Variants in SASH1 observed in about 807,000 individuals in gnomAD.
SASH1 encodes SAM and SH3 domain-containing protein 1.
Under a neutral mutation model 125.2 loss-of-function variants are expected in SASH1, and 44 were observed. The observed-to-expected ratio is 0.35, with a 90% CI of 0.28 to 0.45. The LOEUF (loss-of-function observed/expected upper bound fraction) is 0.45, where lower values mean the gene tolerates loss of function less well. SASH1 is among the 20% of genes least tolerant of loss of function. SASH1 has a pLI of 1.00. For missense variants in SASH1, 1,426 were observed against 1,614.5 expected (o/e 0.88, Z 2.00); for synonymous variants, 639 against 649.1 (o/e 0.98, Z 0.24).
the SASH1 span, among the ~76,000 whole-genome samples, chr6:148,264,509 G>A: frequency 6.6e-6 from 1 of 152,130 alleles, no homozygotes. Flanking sequence ...TTCTTCAATG[G>A]TTTCTTATTG....
chr6:148,350,136 C>T (rs545321598), intron 1 of SASH1, among the ~76,000 whole-genome samples: 2 of 152,110 alleles, frequency 1.3e-5, no homozygotes, highest in Non-Finnish European at 2.9e-5. Flanking sequence ...TGAGCCACCG[C>T]GCCCGGCAGA....
chr6:148,258,264 G>A, the SASH1 span, among the ~76,000 whole-genome samples: 1 of 152,032 alleles, frequency 6.6e-6, no homozygotes, highest in South Asian at 2.1e-4. Context: ...GCTAGATTGA[G>A]CCATTTTCAA....
chr6:148,389,546 G>T (rs559289178), intron 1 of SASH1, among the ~76,000 whole-genome samples: 1 of 152,312 alleles, frequency 6.6e-6, no homozygotes, highest in South Asian at 2.1e-4. Context: ...TGAATAAAAA[G>T]ATTTTCCACT....
the SASH1 span, among the ~76,000 whole-genome samples, chr6:148,259,762 T>C: frequency 4.6e-5 from 7 of 152,268 alleles, no homozygotes; most frequent in Admixed American, 3.3e-4. Context: ...ATCCCGCAGA[T>C]GGTACCCCTT....
Position 148,336,176 on chromosome 6 carries a change from C to CTTTTTT in SASH1, n.75-53938_75-53933dup, listed in dbSNP as rs61290611. On this transcript the variant is annotated intron_variant and non_coding_transcript_variant, in intron 1 of 3. Coordinates refer to the SASH1 transcript ENST00000367469. ...GTGCTTTCTATTATGAAACTGCATC[C>CTTTTTT]TTTTTTTTTTTTTTTTTTTTTTTTT... 4.1e-4 allele frequency among the ~76,000 whole-genome samples: 29 copies of CTTTTTT among 70,764 alleles called. 3 individuals carry two copies. The highest frequency in any genetic ancestry group is 1.0e-3 in the East Asian group (2 of 1,984). 46.4% of individuals were successfully genotyped at this position (70,764 alleles called of 152,430 possible).
chr6:148,514,840 A>C (rs1371252737), intron 9 of SASH1, among the ~76,000 whole-genome samples: 1 of 152,222 alleles, frequency 6.6e-6, no homozygotes, highest in Non-Finnish European at 1.5e-5. Flanking sequence ...ATTTAGTTCA[A>C]ATTTCATGTA....
Position 148,532,247 on chromosome 6 carries a change from T to C in SASH1, c.1565-550T>C, listed in dbSNP as rs1182242485. ...TCATGCCACCACACCCGGCTAATTTTGTTGTAGAGACGGGGTTTTGCCATG... is the reference window on the plus strand; with the variant it reads ...TCATGCCACCACACCCGGCTAATTTCGTTGTAGAGACGGGGTTTTGCCATG... On this transcript the variant is annotated intron_variant, in intron 13 of 19. Transcript: ENST00000367467. The surrounding 1 kb of genome is among the most constrained non-coding windows in gnomAD (Gnocchi z 4.7). Among the ~76,000 whole-genome samples the C allele has an allele frequency of 6.6e-6, 1 of 152,000 alleles. No homozygotes were observed. Among genetic ancestry groups the C allele is most frequent in the Non-Finnish European group, 1.5e-5 (1 of 68,004 alleles).
At chr6:148,424,989 A>G (rs890347560) in intron 2 of SASH1, among the ~76,000 whole-genome samples, 2 of 152,216 alleles carry the variant, frequency 1.3e-5, no homozygotes, top group Non-Finnish European at 2.9e-5. Flanking sequence ...GGCTTATTGG[A>G]ACATGGTCCC....
intron 1 of SASH1, among the ~76,000 whole-genome samples, chr6:148,283,566 G>T (rs771775623): frequency 2.6e-5 from 4 of 152,154 alleles, no homozygotes; most frequent in Non-Finnish European, 5.9e-5. Flanking sequence ...GACGTCAGGA[G>T]ATCGAGACCA....
chr6:148,204,712 A>G, the SASH1 span, among the ~76,000 whole-genome samples: 1 of 151,982 alleles, frequency 6.6e-6, no homozygotes, highest in Admixed American at 6.6e-5. Context: ...AATACAAACA[A>G]AAAAAACTGT....
chr6:148,531,560 C>T lies in SASH1; in HGVS notation c.1463C>T (p.Pro488Leu), dbSNP rs778190631. 32 of 1,560,176 alleles carry T rather than the reference C, an allele frequency of 2.1e-5. No homozygotes were observed. The highest frequency in any genetic ancestry group is 7.4e-5 in the Admixed American group (4 of 53,744). ...CTTGATGGAATGCCTGGCTCCCCTC[C>T]GCCTTCACAGCCCGACCCCGAACAC... ...SGLDGMPGSP[P>L]PSQPDPEHLD... Residue 488 changes from proline (P) to leucine (L), a missense_variant, in exon 13 of 20, where the codon CCG becomes CTG. By Grantham distance (98) the Pro-to-Leu change is moderately conservative. This residue lies in a region of SASH1 where 225 missense variants were observed against 344.5 expected (regional missense o/e 0.65). Coordinates refer to ENST00000367467, the MANE Select transcript of SASH1 (RefSeq NM_015278.5).
chr6:148,309,086 A>G (rs1215245866), intron 1 of SASH1, among the ~76,000 whole-genome samples: 1 of 52,518 alleles, frequency 1.9e-5, no homozygotes, highest in African/African-American at 1.1e-4. Context: ...TCTGTCTCCA[A>G]AAAAAAAAAA....
chr6:148,246,362 G>C, the SASH1 span, among the ~76,000 whole-genome samples: 3 of 152,150 alleles, frequency 2.0e-5, no homozygotes, highest in Non-Finnish European at 2.9e-5. Context: ...AAATTTTAAG[G>C]TAGTGGGGTA....
the SASH1 span, among the ~76,000 whole-genome samples, chr6:148,263,368 C>G: frequency 3.4e-4 from 51 of 152,212 alleles, no homozygotes; most frequent in African/African-American, 1.2e-3. Context: ...TGAGCTAGAA[C>G]AGCATTTTGA....
At chr6:148,196,765 C>G in the SASH1 span, among the ~76,000 whole-genome samples, 2 of 152,168 alleles carry the variant, frequency 1.3e-5, no homozygotes, top group Non-Finnish European at 2.9e-5. Flanking sequence ...AATTGAGTGG[C>G]AGACGGCATG....
rs543416492 is a variant in SASH1, at chr6:148,358,745, T to G, written c.156+15522T>G. ...ATGCCATGTTTTTGTTTTTTTTTTT[T>G]TTTTTTTTGAGACGGAGTCTCCCTT... On this transcript the variant is annotated intron_variant, in intron 1 of 19. Transcript: ENST00000367467. Among the ~76,000 whole-genome samples, 67 of 147,314 alleles carry G rather than the reference T, an allele frequency of 4.5e-4. 1 individual carries two copies. The highest frequency in any genetic ancestry group is 6.7e-4 in the South Asian group (3 of 4,496).
At chr6:148,414,949 G>A (rs1205242352) in intron 2 of SASH1, among the ~76,000 whole-genome samples, 1 of 152,170 alleles carries the variant, frequency 6.6e-6, no homozygotes, top group Non-Finnish European at 1.5e-5. Flanking sequence ...CAGCCTCTTG[G>A]AGCTTACATT....
In SASH1 at chr6:148,279,124, T is replaced by C. The variant is rs189584151; in HGVS notation, n.74+6747T>C. On this transcript the variant is annotated intron_variant and non_coding_transcript_variant, in intron 1 of 3. Coordinates refer to the SASH1 transcript ENST00000367469. ...TTCCTATCTCAGCCTCCCAAGTAGC[T>C]GGGACTACAGGCGCATGCTGCTATG... is the stretch of plus-strand genomic sequence containing the variant. Among the ~76,000 whole-genome samples the C allele has an allele frequency of 4.3e-3, 648 of 152,242 alleles. 20 individuals are homozygous for C. Among genetic ancestry groups the C allele is most frequent in the Admixed American group, 0.04 (608 of 15,282 alleles).
In SASH1 at chr6:148,295,795, A is replaced by T. The variant is rs569721226; in HGVS notation, n.74+23418A>T. Among the ~76,000 whole-genome samples the T allele has an allele frequency of 1.1e-4, 17 of 152,300 alleles. No homozygotes were observed. The South Asian group carries it at 3.5e-3, about 32-fold the overall frequency. On this transcript the variant is annotated intron_variant and non_coding_transcript_variant, in intron 1 of 3. Transcript: ENST00000367469. ...CTCTCCTTCACACCCCAGCACAAAGAAGGGCTGTGTGTTGACAGCAGCCAG... is the reference window on the plus strand; with the variant it reads ...CTCTCCTTCACACCCCAGCACAAAGTAGGGCTGTGTGTTGACAGCAGCCAG...
Sources: allele counts gnomAD v4.1 joint callset (sites outside exome capture counted in the v4.1 genomes callset), GRCh38; gene constraint gnomAD v4.1.1; regional missense constraint gnomAD v4.1.1; non-coding constraint Gnocchi (gnomAD v3.1); transcripts MANE v1.5; gene names NCBI Gene and HGNC (gene_info 2026-07-23, HGNC 2026-07-21).